DGKB: variants seen among roughly 807,000 people sequenced by gnomAD.
DGKB encodes the protein diacylglycerol kinase beta, also known as 90 kDa diacylglycerol kinase.
DGKB carries 67 observed loss-of-function variants against 114.3 expected under a neutral mutation model. The observed-to-expected ratio is 0.59, with a 90% confidence interval of 0.48 to 0.72. The LOEUF (loss-of-function observed/expected upper bound fraction) is 0.72. Among genes scored for constraint, DGKB ranks in the 30% least tolerant of loss-of-function variants. The pLI, the probability that DGKB is intolerant of heterozygous loss-of-function variation, is 0.00. For missense variants in DGKB, 907 were observed against 975.2 expected, an observed-to-expected ratio of 0.93 and a Z score of 0.93; for synonymous variants, 398 against 323.1, an observed-to-expected ratio of 1.23 and a Z score of -2.49.
At position 14,262,822 on chromosome 7, in the gene DGKB, C is replaced by T. The variant is rs528476302; in HGVS notation, c.2122+75693G>A. Among the ~76,000 whole-genome samples the T allele has an allele frequency of 4.6e-4, 70 of 152,266 alleles. 1 individual carries two copies. The highest frequency in any genetic ancestry group is 3.4e-3 in the Middle Eastern group (1 of 294). ...AGTAGAATCAGACTGCAGCTTAGAA[C>T]ACTAACTGGGCCAGCAGCAGTAAAC... On this transcript the variant is annotated intron_variant, in intron 23 of 25. Coordinates refer to ENST00000402815, the MANE Select transcript of DGKB (RefSeq NM_001350709.2).
chr7:14,969,979 A>AT (rs1282989955), intron 1 of DGKB, among the ~76,000 whole-genome samples: 1 of 152,164 alleles, frequency 6.6e-6, no homozygotes, highest in African/African-American at 2.4e-5. Context: ...TTTCACTAGA[A>AT]TTTTATGGGA....
chr7:14,681,409 C>G (rs543722654), intron 12 of DGKB, among the ~76,000 whole-genome samples: 1 of 151,526 alleles, frequency 6.6e-6, no homozygotes, highest in African/African-American at 2.4e-5. Context: ...TCTCATCATT[C>G]TGTATGAGTG....
intron 21 of DGKB, among the ~76,000 whole-genome samples, chr7:14,411,114 T>C (rs1824803764): frequency 6.6e-6 from 1 of 152,114 alleles, no homozygotes. Context: ...ACCAGTACTG[T>C]AGTCTACAGT....
intron 13 of DGKB, among the ~76,000 whole-genome samples, chr7:14,668,663 C>A (rs1293914515): frequency 2.6e-5 from 4 of 152,110 alleles, no homozygotes; most frequent in African/African-American, 9.7e-5. Context: ...CAACCTGACA[C>A]CATTTACCTT....
At chr7:14,650,784 A>C (rs1814274498) in intron 13 of DGKB, among the ~76,000 whole-genome samples, 1 of 146,224 alleles carries the variant, frequency 6.8e-6, no homozygotes, top group Non-Finnish European at 1.5e-5. Context: ...AGAAGGATCA[A>C]ATAGACGCAA....
intron 1 of DGKB, among the ~76,000 whole-genome samples, chr7:14,890,431 G>C (rs182651492): frequency 6.6e-6 from 1 of 151,310 alleles, no homozygotes; most frequent in South Asian, 2.1e-4. Flanking sequence ...ACATGCCTTC[G>C]CTTATCTCAT....
intron 13 of DGKB, among the ~76,000 whole-genome samples, chr7:14,663,792 T>C (rs1817571769): frequency 7.0e-6 from 1 of 142,554 alleles, no homozygotes; most frequent in Non-Finnish European, 1.6e-5. Flanking sequence ...AACTTTTAAC[T>C]GGGCTCCCTG....
chr7:14,876,772 C>T (rs958571361), intron 1 of DGKB, among the ~76,000 whole-genome samples: 1 of 152,188 alleles, frequency 6.6e-6, no homozygotes, highest in Non-Finnish European at 1.5e-5. Context: ...TATACCTCCT[C>T]AACTAACTAG....
chr7:14,658,238 G>A (rs960269025), intron 13 of DGKB, among the ~76,000 whole-genome samples: 2 of 151,864 alleles, frequency 1.3e-5, no homozygotes, highest in African/African-American at 4.8e-5. Flanking sequence ...AAAAAGAGAT[G>A]CAGAACTGGG....
At chr7:14,420,292 G>A (rs1826456970) in intron 21 of DGKB, among the ~76,000 whole-genome samples, 1 of 151,576 alleles carries the variant, frequency 6.6e-6, no homozygotes, top group East Asian at 1.9e-4. Context: ...ATTGTGATAT[G>A]GCTCAAAAAT....
chr7:14,727,899 G>T (rs1463404927), intron 5 of DGKB, among the ~76,000 whole-genome samples: 1 of 152,152 alleles, frequency 6.6e-6, no homozygotes, highest in Non-Finnish European at 1.5e-5. Flanking sequence ...ATACCTTTCA[G>T]CAAGAACATT....
intron 2 of DGKB, among the ~76,000 whole-genome samples, chr7:14,825,829 C>A (rs1310559302): frequency 6.6e-6 from 1 of 152,216 alleles, no homozygotes; most frequent in African/African-American, 2.4e-5. Context: ...ACTCTCTATG[C>A]AAAACAAAAC....
chr7:14,157,486 TTAAAA>T (rs988680284), intron 25 of DGKB, among the ~76,000 whole-genome samples: 7 of 152,010 alleles, frequency 4.6e-5, no homozygotes, highest in African/African-American at 1.2e-4. Context: ...TTGTGAAGAC[TTAAAA>T]TAAAATCCTT....
chr7:14,304,324 G>A (rs547877598), intron 23 of DGKB, among the ~76,000 whole-genome samples: 7 of 152,112 alleles, frequency 4.6e-5, no homozygotes, highest in African/African-American at 1.7e-4. Flanking sequence ...ATGTAAGACA[G>A]CTTATTTTTA....
chr7:14,910,175 A>G (rs1328432231), intron 1 of DGKB, among the ~76,000 whole-genome samples: 1 of 151,648 alleles, frequency 6.6e-6, no homozygotes, highest in Non-Finnish European at 1.5e-5. Context: ...TGGGAGGCAG[A>G]GGTTGCAGTG....
At chr7:14,403,035 TTCTC>T (rs922703675) in intron 21 of DGKB, among the ~76,000 whole-genome samples, 2 of 151,870 alleles carry the variant, frequency 1.3e-5, no homozygotes, top group Non-Finnish European at 2.9e-5. Flanking sequence ...CTTGCCTTCT[TTCTC>T]TCTCTGTGTA....
At chr7:14,529,806 T>C (rs1409362066) in intron 20 of DGKB, among the ~76,000 whole-genome samples, 1 of 151,802 alleles carries the variant, frequency 6.6e-6, no homozygotes, top group Non-Finnish European at 1.5e-5. Context: ...TTATTTTGGA[T>C]TGTCAATTTA....
chr7:14,371,518 T>G (rs1817644496), intron 21 of DGKB, among the ~76,000 whole-genome samples: 1 of 152,146 alleles, frequency 6.6e-6, no homozygotes, highest in African/African-American at 2.4e-5. Context: ...TAGTTTTGTT[T>G]TTTACTTGTT....
chr7:14,710,268 T>C (rs530196016), intron 6 of DGKB, among the ~76,000 whole-genome samples: 1 of 152,122 alleles, frequency 6.6e-6, no homozygotes, highest in Non-Finnish European at 1.5e-5. Flanking sequence ...TTTAAAAATT[T>C]TGATTTGATA....
Sources: gnomAD v4.1 joint callset for allele counts (sites outside exome capture counted in the v4.1 genomes callset) on GRCh38, gnomAD v4.1.1 for gene constraint, MANE v1.5 for transcripts, NCBI Gene and HGNC (gene_info 2026-07-23, HGNC 2026-07-21) for gene names.